YAP1: variants seen among roughly 807,000 people sequenced by gnomAD.
The protein encoded by YAP1 is transcriptional coactivator YAP1.
A neutral mutation model predicts 56.9 loss-of-function variants in YAP1; 5 were observed. That is an observed-to-expected ratio of 0.09 (90% CI 0.05 to 0.18). The LOEUF is 0.18. Among genes scored for constraint, YAP1 ranks in the 10% least tolerant of loss-of-function variants. The probability of loss-of-function intolerance (pLI) is 1.00; values close to 1 mark genes in which losing one functional copy is unlikely to be tolerated. For missense variants in YAP1, 539 were observed against 651.8 expected (o/e 0.83, Z 1.88); for synonymous variants, 265 against 248.1 (o/e 1.07, Z -0.64).
At chr11:102,185,078 T>C (rs545537494) in intron 3 of YAP1, among the ~76,000 whole-genome samples, 15 of 152,208 alleles carry the variant, frequency 9.9e-5, no homozygotes, top group Admixed American at 2.0e-4. Context: ...AGAAAAGATT[T>C]TAGCCATGTA....
chr11:102,157,621 G>T (rs1223317137), intron 2 of YAP1, among the ~76,000 whole-genome samples: 1 of 152,124 alleles, frequency 6.6e-6, no homozygotes, highest in Non-Finnish European at 1.5e-5. Context: ...AAAAAAGATT[G>T]TTTAGTTGGT....
chr11:102,221,030 A>G (rs539274111), intron 6 of YAP1, among the ~76,000 whole-genome samples: 9 of 152,266 alleles, frequency 5.9e-5, no homozygotes, highest in Middle Eastern at 3.4e-3. Context: ...TGGCTGTGCA[A>G]TGGGTGTTTG....
In YAP1 at chr11:102,174,726, C is replaced by T. The variant is rs553110027; in HGVS notation, c.689-11292C>T. On this transcript the variant is annotated intron_variant, in intron 3 of 8. Coordinates refer to ENST00000282441, the MANE Select transcript of YAP1 (RefSeq NM_001130145.3). ...ACTTTGGTTGTATTTGGTGGCAGTG[C>T]TAAGTCCTAGGGATACAAAGACAAA... Among the ~76,000 whole-genome samples the T allele has an allele frequency of 1.1e-3, 167 of 152,260 alleles. 1 individual carries two copies. Among genetic ancestry groups the T allele is most frequent in the African/African-American group, 3.9e-3 (161 of 41,542 alleles).
intron 2 of YAP1, among the ~76,000 whole-genome samples, chr11:102,130,720 C>CTTTTT (rs61175592): frequency 1.0e-4 from 10 of 98,140 alleles, no homozygotes; most frequent in African/African-American, 1.8e-4. Flanking sequence ...GATAACTACT[C>CTTTTT]TTTTTTTTTT....
Position 102,230,020 on chromosome 11 carries a change from C to T in YAP1, c.*80C>T. On this transcript the variant is annotated 3_prime_UTR_variant, in exon 9 of 9. Transcript: ENST00000282441. The stretch of plus-strand genomic sequence containing the variant: ...ACCGGAAATTTCCATAAGCCAGTTG[C>T]AGTTTTCAGGCTAATACAGAAAAAG... The T allele has an allele frequency of 6.5e-6, 8 of 1,222,202 alleles. No individual in the cohort carries two copies. Among genetic ancestry groups the T allele is most frequent in the Middle Eastern group, 2.0e-4 (1 of 4,904 alleles). 75.7% of individuals were successfully genotyped at this position (1,222,202 alleles called of 1,614,324 possible).
intron 2 of YAP1, 62 bp from the exon 3 acceptor site, chr11:102,162,394 G>T: frequency 7.0e-7 from 1 of 1,432,110 alleles, no homozygotes; most frequent in Non-Finnish European, 9.8e-7. Flanking sequence ...GAGCCCACAA[G>T]ATAAGAATTG....
At chr11:102,162,090 G>A (rs1454278066) in intron 2 of YAP1, among the ~76,000 whole-genome samples, 9 of 152,162 alleles carry the variant, frequency 5.9e-5, no homozygotes, top group Non-Finnish European at 1.0e-4. Context: ...GAAAATAAGT[G>A]TATGAATTTC....
intron 2 of YAP1, among the ~76,000 whole-genome samples, chr11:102,141,805 G>A (rs1945041343): frequency 6.6e-6 from 1 of 152,174 alleles, no homozygotes; most frequent in Non-Finnish European, 1.5e-5. Context: ...ACCCACCATT[G>A]TGTCTTATGC....
intron 4 of YAP1, among the ~76,000 whole-genome samples, chr11:102,188,394 T>C (rs1157147326): frequency 2.0e-5 from 3 of 152,226 alleles, no homozygotes; most frequent in Non-Finnish European, 2.9e-5. Flanking sequence ...AAACAACCCC[T>C]TTTATATGTT....
At chr11:102,129,446 C>G (rs1487018542) in intron 2 of YAP1, among the ~76,000 whole-genome samples, 4 of 151,706 alleles carry the variant, frequency 2.6e-5, no homozygotes, top group Non-Finnish European at 5.9e-5. Flanking sequence ...TCGTGAAACC[C>G]CATCTCTACA....
intron 2 of YAP1, among the ~76,000 whole-genome samples, chr11:102,142,064 G>C (rs1945056366): frequency 6.6e-6 from 1 of 152,180 alleles, no homozygotes; most frequent in Admixed American, 6.5e-5. Context: ...GTAGAATAAA[G>C]TATAAGTTTA....
rs1944899093 is a variant in YAP1, at chr11:102,139,785, G to A, written c.573-22671G>A. On this transcript the variant is annotated intron_variant, in intron 2 of 8. Transcript: ENST00000282441. ...TATATCCTGTAGACCTGGAATCTGT[G>A]TTTGAGGGGAATTTGATTTTAGATT... Among the ~76,000 whole-genome samples the A allele has an allele frequency of 7.9e-5, 12 of 152,278 alleles. No individual in the cohort carries two copies. The South Asian group carries it at 2.5e-3, about 32-fold the overall frequency.
intron 4 of YAP1, among the ~76,000 whole-genome samples, chr11:102,198,230 G>A (rs530873580): frequency 9.1e-4 from 139 of 152,152 alleles, no homozygotes; most frequent in African/African-American, 3.2e-3. Context: ...TTCCTGTTCC[G>A]TGGTTTTGAA....
chr11:102,225,884 A>T (rs780564375), intron 7 of YAP1, among the ~76,000 whole-genome samples: 61 of 152,168 alleles, frequency 4.0e-4, no homozygotes, highest in Non-Finnish European at 7.4e-4. Context: ...AATGCCTGTC[A>T]TGTAGTAGCA....
At chr11:102,221,902 A>T (rs1230781015) in intron 6 of YAP1, among the ~76,000 whole-genome samples, 3 of 152,188 alleles carry the variant, frequency 2.0e-5, no homozygotes, top group Non-Finnish European at 4.4e-5. Flanking sequence ...AATGGTGCAT[A>T]CTACATTGGA....
At chr11:102,193,065 C>G (rs1948381278) in intron 4 of YAP1, among the ~76,000 whole-genome samples, 1 of 152,160 alleles carries the variant, frequency 6.6e-6, no homozygotes, top group Non-Finnish European at 1.5e-5. Context: ...TGTTGGTACA[C>G]TTTGTTTCTA....
chr11:102,120,498 G>A (rs1385196241), intron 2 of YAP1, among the ~76,000 whole-genome samples: 1 of 152,166 alleles, frequency 6.6e-6, no homozygotes, highest in African/African-American at 2.4e-5. Context: ...TGCTTTATTT[G>A]TGGTTAGTGC....
chr11:102,223,855 A>G, intron 7 of YAP1, 103 bp downstream of exon 7: 1 of 1,387,962 alleles, frequency 7.2e-7, no homozygotes, highest in African/African-American at 1.4e-5. Flanking sequence ...TGTGTGGGCC[A>G]AAAACCATAG....
At chr11:102,138,402 C>G (rs985657710) in intron 2 of YAP1, among the ~76,000 whole-genome samples, 2 of 152,160 alleles carry the variant, frequency 1.3e-5, no homozygotes, top group African/African-American at 4.8e-5. Context: ...ATGTCTGGTG[C>G]CAGCTCATCT....
Sources: allele counts gnomAD v4.1 joint callset (sites outside exome capture counted in the v4.1 genomes callset), GRCh38; gene constraint gnomAD v4.1.1; transcripts MANE v1.5; gene names NCBI Gene and HGNC (gene_info 2026-07-23, HGNC 2026-07-21).